The following STPG2 variants were observed in gnomAD, a reference collection of about 807,000 sequenced individuals.
STPG2 encodes sperm tail PG-rich repeat containing 2.
STPG2 carries 56 observed loss-of-function variants against 54.2 expected under a neutral mutation model. The ratio of observed to expected loss-of-function variants is 1.03; its 90% CI spans 0.83 to 1.29. The LOEUF (loss-of-function observed/expected upper bound fraction) is 1.29. STPG2 is among the 50% of genes most tolerant of loss of function. The probability of loss-of-function intolerance (pLI) is 0.00; values close to 1 mark genes in which losing one functional copy is unlikely to be tolerated. For missense variants in STPG2, 596 were observed against 544.9 expected (o/e 1.09, Z -0.93); for synonymous variants, 200 against 181.8 (o/e 1.10, Z -0.81).
intron 10 of STPG2, among the ~76,000 whole-genome samples, chr4:97,682,747 C>T (rs1044226183): frequency 6.6e-6 from 1 of 151,810 alleles, no homozygotes; most frequent in African/African-American, 2.4e-5. Context: ...CCTTAAGTAA[C>T]TTGTCTAAAG....
chr4:98,130,917 G>A (rs868643997), intron 2 of STPG2, among the ~76,000 whole-genome samples: 21 of 66,664 alleles, frequency 3.2e-4, no homozygotes, highest in Admixed American at 2.7e-3. Context: ...GCGAGACTCC[G>A]TCTCAAAAAA....
At chr4:97,683,671 T>C (rs1025453659) in intron 10 of STPG2, among the ~76,000 whole-genome samples, 2 of 151,796 alleles carry the variant, frequency 1.3e-5, no homozygotes, top group Admixed American at 1.3e-4. Context: ...ATACTTGATG[T>C]TGAGACACGA....
chr4:97,473,474 A>G (rs1423665263), intron 4 of STPG2, among the ~76,000 whole-genome samples: 1 of 152,124 alleles, frequency 6.6e-6, no homozygotes. Context: ...GGATGAGGAA[A>G]TTCCTGCCTA....
chr4:97,768,961 T>C (rs942830230), intron 9 of STPG2, among the ~76,000 whole-genome samples: 2 of 152,156 alleles, frequency 1.3e-5, no homozygotes, highest in African/African-American at 4.8e-5. Context: ...AGGGGCAGTG[T>C]CAGGCAGTTG....
chr4:97,623,444 T>G, intron 10 of STPG2, among the ~76,000 whole-genome samples: 6 of 151,826 alleles, frequency 4.0e-5, no homozygotes, highest in Non-Finnish European at 8.8e-5. Flanking sequence ...TGGGCAAAGG[T>G]CATGAACATA....
At chr4:97,850,354 CAA>C (rs1412267580) in intron 8 of STPG2, among the ~76,000 whole-genome samples, 3 of 149,288 alleles carry the variant, frequency 2.0e-5, no homozygotes, top group South Asian at 2.1e-4. Context: ...AAAACTAAGA[CAA>C]AGAGCAAAAA....
At chr4:97,674,271 G>A (rs749273530) in intron 10 of STPG2, among the ~76,000 whole-genome samples, 1 of 152,024 alleles carries the variant, frequency 6.6e-6, no homozygotes, top group Non-Finnish European at 1.5e-5. Flanking sequence ...AGTCATTGAT[G>A]ATACTGAAAA....
intron 10 of STPG2, among the ~76,000 whole-genome samples, chr4:97,672,757 A>G (rs1722738054): frequency 6.6e-6 from 1 of 152,218 alleles, no homozygotes; most frequent in Non-Finnish European, 1.5e-5. Context: ...TTTAACTGCC[A>G]GGGGGAAGGA....
intron 5 of STPG2, among the ~76,000 whole-genome samples, chr4:98,041,365 T>C (rs941959170): frequency 6.6e-6 from 1 of 151,928 alleles, no homozygotes; most frequent in Admixed American, 6.6e-5. Context: ...CATACTATGT[T>C]GAATAGGAGT....
At chr4:97,962,645 G>A (rs1733931042) in intron 7 of STPG2, among the ~76,000 whole-genome samples, 1 of 152,164 alleles carries the variant, frequency 6.6e-6, no homozygotes, top group African/African-American at 2.4e-5. Flanking sequence ...AGTCCTTACT[G>A]TGTTCCAGAA....
Position 97,634,716 on chromosome 4 carries a change from A to G in STPG2, c.1321-75599T>C, listed in dbSNP as rs1188701138. ...ATGCAGAAGCCTCAGGAGCCGATGC[A>G]ATCAACTGGAAGAAAGGGTATCAGC... is the stretch of plus-strand genomic sequence containing the variant. On this transcript the variant is annotated intron_variant, in intron 10 of 10. Transcript: ENST00000295268. Among the ~76,000 whole-genome samples, 14 of 152,234 alleles carry G rather than the reference A, an allele frequency of 9.2e-5. No individual in the cohort carries two copies. The South Asian group carries it at 1.7e-3, about 18-fold the overall frequency.
At chr4:97,443,396 C>T (rs1729138698) in intron 4 of STPG2, among the ~76,000 whole-genome samples, 1 of 152,058 alleles carries the variant, frequency 6.6e-6, no homozygotes, top group African/African-American at 2.4e-5. Context: ...TCATGTTCCT[C>T]CTTAAGACAT....
chr4:98,134,303 A>C, intron 2 of STPG2, 44 bp downstream of exon 2: 1 of 1,199,206 alleles, frequency 8.3e-7, no homozygotes, highest in Non-Finnish European at 1.1e-6. Context: ...TTCAGGGAAG[A>C]AAACATGGTT....
chr4:97,751,812 G>A (rs920881799), intron 9 of STPG2, among the ~76,000 whole-genome samples: 2 of 151,736 alleles, frequency 1.3e-5, no homozygotes, highest in African/African-American at 2.4e-5. Context: ...AAAGCAGATT[G>A]TGAGAGGACT....
chr4:97,703,194 G>T (rs1296125912), intron 10 of STPG2, among the ~76,000 whole-genome samples: 1 of 151,848 alleles, frequency 6.6e-6, no homozygotes, highest in East Asian at 1.9e-4. Flanking sequence ...AACAGTTCAT[G>T]CCAAGGACTA....
At chr4:97,951,649 G>A (rs114757556) in intron 7 of STPG2, among the ~76,000 whole-genome samples, 1,829 of 151,972 alleles carry the variant, frequency 0.012, 31 homozygotes, top group African/African-American at 0.042. Flanking sequence ...GATGCTTCTC[G>A]GTAGCAACAT....
Position 97,945,719 on chromosome 4 carries a change from G to GT in STPG2, c.934-1713dup, listed in dbSNP as rs1039602232. ...TCTTTTCAAGACCCCAACATCTATT[G>GT]TTTTTTTGGGTTTGTTTATTGGTTT... On this transcript the variant is annotated intron_variant, in intron 7 of 10. Coordinates refer to ENST00000295268, the MANE Select transcript of STPG2 (RefSeq NM_174952.3). Among the ~76,000 whole-genome samples, 24 of 135,054 alleles carry GT rather than the reference G, an allele frequency of 1.8e-4. No homozygotes were observed. The East Asian group carries it at 4.6e-3, about 26-fold the overall frequency. The allele number at this position is 135,054 out of a possible 152,430, so 88.6% of individuals were successfully genotyped here. A position where few individuals can be genotyped will look rare whatever the true frequency, so the allele number is the denominator to read the frequency against.
chr4:97,953,785 A>G (rs368010809), intron 7 of STPG2, among the ~76,000 whole-genome samples: 34 of 152,264 alleles, frequency 2.2e-4, no homozygotes, highest in African/African-American at 7.7e-4. Flanking sequence ...AGTTTTTCAC[A>G]TGGCTCACAG....
chr4:97,493,269 T>C (rs1730539857), intron 4 of STPG2, among the ~76,000 whole-genome samples: 1 of 151,258 alleles, frequency 6.6e-6, no homozygotes. Context: ...CCAGCCCTTA[T>C]TGAGGAAGTG....
Sources: allele counts gnomAD v4.1 joint callset (sites outside exome capture counted in the v4.1 genomes callset), GRCh38; gene constraint gnomAD v4.1.1; transcripts MANE v1.5; gene names NCBI Gene and HGNC (gene_info 2026-07-23, HGNC 2026-07-21).